The following NAV2 variants were observed in gnomAD, a reference collection of about 807,000 sequenced individuals.
The protein encoded by NAV2 is neuron navigator 2.
A neutral mutation model predicts 223.2 loss-of-function variants in NAV2; 54 were observed. The ratio of observed to expected loss-of-function variants is 0.24; its 90% CI spans 0.19 to 0.30. NAV2 has a LOEUF of 0.30. NAV2 is among the 10% of genes least tolerant of loss of function. The pLI, the probability that NAV2 is intolerant of heterozygous loss-of-function variation, is 1.00. For synonymous variants in NAV2, 1,279 were observed against 1,239.3 expected, an observed-to-expected ratio of 1.03 and a Z score of -0.67; for missense variants, 2,806 against 3,147.5, an observed-to-expected ratio of 0.89 and a Z score of 2.60.
At chr11:19,412,432 A>T (rs554485948) in intron 1 of NAV2, among the ~76,000 whole-genome samples, 7 of 152,312 alleles carry the variant, frequency 4.6e-5, no homozygotes, top group African/African-American at 1.7e-4. Context: ...TCAGGGGCTT[A>T]TAGATAAAAC....
intron 1 of NAV2, among the ~76,000 whole-genome samples, chr11:19,454,236 G>A (rs1156969425): frequency 2.0e-5 from 3 of 152,164 alleles, no homozygotes; most frequent in African/African-American, 7.2e-5. Context: ...AGCAGCTCAG[G>A]GTTGTTTTGA....
rs530330566 is a variant in NAV2, at chr11:19,908,789, C to T, written c.931+16195C>T. Among the ~76,000 whole-genome samples the T allele has an allele frequency of 5.9e-5, 9 of 151,964 alleles. No homozygotes were observed. The East Asian group carries it at 7.8e-4, about 13-fold the overall frequency. On this transcript the variant is annotated intron_variant, in intron 6 of 37. Transcript: ENST00000349880. ...CAAAAGGCCAAATATTGTATGATTC[C>T]GTTTATATGAAATCTCCAGAGTAGG...
intron 1 of NAV2, among the ~76,000 whole-genome samples, chr11:19,675,731 A>C (rs1464125334): frequency 6.6e-6 from 1 of 152,120 alleles, no homozygotes; most frequent in Admixed American, 6.6e-5. Context: ...CCGGGGCCCA[A>C]ATGTGTTTTA....
In NAV2 at chr11:19,801,033, AT is replaced by A. The variant is rs557808704; in HGVS notation, c.268-31444del. 3.6e-3 allele frequency among the ~76,000 whole-genome samples: 547 copies of A among 152,198 alleles called. 7 individuals are homozygous for A. The highest frequency in any genetic ancestry group is 0.012 in the African/African-American group (514 of 41,520). ...AGAAGCAAGCACAACAGATAACTTTATTTTTTTAGGGAGGTTTTGTATTTTA... is the reference window on the plus strand; with the variant it reads ...AGAAGCAAGCACAACAGATAACTTTATTTTTTAGGGAGGTTTTGTATTTTA... On this transcript the variant is annotated intron_variant, in intron 1 of 37. Transcript: ENST00000349880.
chr11:19,893,617 A>G (rs1268980155), intron 6 of NAV2, among the ~76,000 whole-genome samples: 2 of 152,210 alleles, frequency 1.3e-5, no homozygotes, highest in Non-Finnish European at 2.9e-5. Context: ...TAATCACTCT[A>G]TCTTTTCCTC....
chr11:19,828,813 G>A (rs947453771), intron 1 of NAV2, among the ~76,000 whole-genome samples: 1 of 152,188 alleles, frequency 6.6e-6, no homozygotes, highest in Non-Finnish European at 1.5e-5. Context: ...AGGAAAGTTC[G>A]TTTGGCATTG....
chr11:19,468,381 C>T (rs1852444448), intron 1 of NAV2, among the ~76,000 whole-genome samples: 1 of 152,216 alleles, frequency 6.6e-6, no homozygotes, highest in Admixed American at 6.5e-5. Flanking sequence ...CTACGCCACC[C>T]TGAAGGCTCT....
chr11:19,757,154 ATGT>A (rs1412648221), intron 1 of NAV2, among the ~76,000 whole-genome samples: 3 of 151,984 alleles, frequency 2.0e-5, no homozygotes, highest in African/African-American at 4.8e-5. Flanking sequence ...GGCTATTTTA[ATGT>A]TGTTTTGAAG....
At chr11:19,907,447 T>C (rs1379965611) in intron 6 of NAV2, among the ~76,000 whole-genome samples, 1 of 152,182 alleles carries the variant, frequency 6.6e-6, no homozygotes, top group East Asian at 1.9e-4. Flanking sequence ...TTGGTAAATA[T>C]CCACCCTGTT....
chr11:19,675,061 T>A (rs2048677818), intron 1 of NAV2, among the ~76,000 whole-genome samples: 2 of 152,086 alleles, frequency 1.3e-5, no homozygotes, highest in Admixed American at 1.3e-4. Flanking sequence ...CATGGCCACA[T>A]CCTTCATGCA....
At chr11:19,689,853 A>G (rs2049118376) in intron 1 of NAV2, among the ~76,000 whole-genome samples, 1 of 152,246 alleles carries the variant, frequency 6.6e-6, no homozygotes, top group East Asian at 1.9e-4. Flanking sequence ...AAATAGAAAG[A>G]TTGCCATGGT....
chr11:20,097,321 C>T (rs535008043), intron 30 of NAV2, among the ~76,000 whole-genome samples: 1 of 152,174 alleles, frequency 6.6e-6, no homozygotes, highest in South Asian at 2.1e-4. Flanking sequence ...CCAGACTAAA[C>T]GTTCACAACC....
At chr11:19,949,634 T>G (rs2047221087) in intron 10 of NAV2, among the ~76,000 whole-genome samples, 1 of 152,198 alleles carries the variant, frequency 6.6e-6, no homozygotes, top group African/African-American at 2.4e-5. Context: ...GAAGTAGGTG[T>G]GTGTCCTGCC....
chr11:20,084,802 C>G (rs970688366), intron 26 of NAV2, among the ~76,000 whole-genome samples: 1 of 152,160 alleles, frequency 6.6e-6, no homozygotes, highest in Admixed American at 6.5e-5. Context: ...GAAAAAGGAA[C>G]TCATCATGTC....
intron 1 of NAV2, among the ~76,000 whole-genome samples, chr11:19,489,428 T>C (rs939223231): frequency 6.6e-6 from 1 of 152,202 alleles, no homozygotes; most frequent in African/African-American, 2.4e-5. Context: ...GCAGAGACTA[T>C]AGTTTCATAC....
At chr11:19,650,689 T>G (rs1488865949) in intron 1 of NAV2, among the ~76,000 whole-genome samples, 1 of 152,076 alleles carries the variant, frequency 6.6e-6, no homozygotes, top group Non-Finnish European at 1.5e-5. Context: ...CAACGACAAG[T>G]AAATGGATAT....
At chr11:19,449,631 G>A (rs1384208872) in intron 1 of NAV2, among the ~76,000 whole-genome samples, 1 of 151,154 alleles carries the variant, frequency 6.6e-6, no homozygotes, top group East Asian at 2.0e-4. Context: ...GGGGGTGGGG[G>A]GGTAGGGGCA....
intron 1 of NAV2, among the ~76,000 whole-genome samples, chr11:19,796,334 G>A (rs2057893059): frequency 6.6e-6 from 1 of 152,142 alleles, no homozygotes; most frequent in South Asian, 2.1e-4. Context: ...AGGGCCCTCT[G>A]CCTCAATCCT....
At chr11:19,883,948 T>A (rs1460012542) in intron 5 of NAV2, among the ~76,000 whole-genome samples, 4 of 152,198 alleles carry the variant, frequency 2.6e-5, no homozygotes, top group Non-Finnish European at 5.9e-5. Context: ...TAGAAACATC[T>A]CAATACTTTA....
Sources: gnomAD v4.1 joint callset for allele counts (sites outside exome capture counted in the v4.1 genomes callset) on GRCh38, gnomAD v4.1.1 for gene constraint, MANE v1.5 for transcripts, NCBI Gene and HGNC (gene_info 2026-07-23, HGNC 2026-07-21) for gene names.